The following MAPKBP1 variants were observed in gnomAD, a reference collection of about 807,000 sequenced individuals.
The protein encoded by MAPKBP1 is mitogen-activated protein kinase binding protein 1.
Under a neutral mutation model 170.5 loss-of-function variants are expected in MAPKBP1, and 71 were observed. That is an observed-to-expected ratio of 0.42 (90% CI 0.34 to 0.51). The LOEUF is 0.51. Ranked by LOEUF, MAPKBP1 falls within the 20% of genes least tolerant of loss-of-function variation. The pLI is 0.06. For missense variants in MAPKBP1, 1,598 were observed against 1,933.0 expected, an observed-to-expected ratio of 0.83 and a Z score of 3.25; for synonymous variants, 719 against 757.9, an observed-to-expected ratio of 0.95 and a Z score of 0.84.
At chr15:41,786,977 C>T (rs1439160712) in intron 2 of MAPKBP1, among the ~76,000 whole-genome samples, 3 of 150,642 alleles carry the variant, frequency 2.0e-5, no homozygotes, top group African/African-American at 7.4e-5. Context: ...CCGCTCAGTA[C>T]AACCTCTGCC....
intron 2 of MAPKBP1, among the ~76,000 whole-genome samples, chr15:41,776,092 T>A (rs2064093709): frequency 6.6e-6 from 1 of 152,244 alleles, no homozygotes; most frequent in Non-Finnish European, 1.5e-5. Context: ...GTTTTGGTCC[T>A]TATGCTTTTT....
chr15:41,813,708 A>G lies in MAPKBP1; in HGVS notation c.907A>G (p.Asn303Asp). 6.2e-7 allele frequency: 1 copy of G among 1,613,812 alleles called. No individual in the cohort carries two copies. The highest frequency in any genetic ancestry group is 8.5e-7 in the Non-Finnish European group (1 of 1,179,920). Residue 303 changes from asparagine to aspartate, a missense_variant, in exon 9 of 31, where the codon AAC (asparagine) becomes GAC (aspartate). Transcript: ENST00000457542. ...CACCGTGCGCCTTTTCAACCCCTCT[A>G]ACCTGCACTTCCTTAGCACCTTGCC... Reference protein sequence around the residue: ...DGTVRLFNPSNLHFLSTLPRP... With the variant: ...DGTVRLFNPSDLHFLSTLPRP...
chr15:41,775,085 CA>C, intron 1 of MAPKBP1, 81 bp from the exon 2 acceptor site: 1 of 595,322 alleles, frequency 1.7e-6, no homozygotes, highest in Non-Finnish European at 3.0e-6. Context: ...ATGGTGAGAG[CA>C]ATACCCAGAG....
chr15:41,786,826 T>C (rs1419274155), intron 2 of MAPKBP1, among the ~76,000 whole-genome samples: 5 of 134,122 alleles, frequency 3.7e-5, no homozygotes, highest in Admixed American at 3.1e-4. Flanking sequence ...CTTTTTTTGT[T>C]TTTTAAAGAA....
At chr15:41,790,762 T>G (rs936663701) in intron 2 of MAPKBP1, among the ~76,000 whole-genome samples, 2 of 152,222 alleles carry the variant, frequency 1.3e-5, no homozygotes, top group Admixed American at 6.5e-5. Flanking sequence ...AGGTCTGCTC[T>G]CTTCTTCAGC....
chr15:41,810,912 AAC>A lies in MAPKBP1; in HGVS notation c.240_241del (p.His80GlnfsTer21). 6.2e-7 allele frequency: 1 copy of A among 1,614,108 alleles called. No individual in the cohort carries two copies. The highest frequency in any genetic ancestry group is 8.5e-7 in the Non-Finnish European group (1 of 1,180,020). ...GTGGTTGTGTTGTTCAATCCCCGGAAACACAAACAGCACCACATCCTCAACAG... is the reference window on the plus strand; with the variant it reads ...GTGGTTGTGTTGTTCAATCCCCGGAAACAAACAGCACCACATCCTCAACAG... On this transcript the variant is annotated frameshift_variant, in exon 4 of 31. Coordinates refer to ENST00000457542, the MANE Select transcript of MAPKBP1 (RefSeq NM_014994.3). LOFTEE classifies it high-confidence loss of function.
intron 5 of MAPKBP1, 105 bp downstream of exon 5, chr15:41,811,340 A>C (rs1361286307): frequency 6.3e-6 from 8 of 1,270,422 alleles, no homozygotes; most frequent in South Asian, 2.4e-5. Flanking sequence ...TCTGAAACAG[A>C]CACCAAATCC....
intron 2 of MAPKBP1, among the ~76,000 whole-genome samples, chr15:41,792,819 A>C (rs11070349): frequency 0.48 from 73,469 of 151,874 alleles, 18,152 homozygotes; most frequent in Non-Finnish European, 0.53. Context: ...CTCTTTCCTA[A>C]CTCACTTTCT....
intron 3 of MAPKBP1, among the ~76,000 whole-genome samples, chr15:41,808,105 C>CTTTTTTTTTTTTTT (rs544983500): frequency 1.8e-5 from 2 of 109,460 alleles, no homozygotes; most frequent in African/African-American, 3.3e-5. Context: ...TTCTTTCTTT[C>CTTTTTTTTTTTTTT]TTTTTTTTTT....
At position 41,822,241 on chromosome 15, in the gene MAPKBP1, G is replaced by C; in HGVS notation, c.3048G>C (p.Glu1016Asp). 6.2e-7 allele frequency: 1 copy of C among 1,613,330 alleles called. No homozygotes were observed. Among genetic ancestry groups the C allele is most frequent in the Non-Finnish European group, 8.5e-7 (1 of 1,179,518 alleles). The part of the protein sequence containing the change: ...EHPTEDSEST[E>D]PLSVDGISSD... ...CACACCCAGACTCTGAGAGCACGGA[G>C]CCCCTCAGTGTGGATGGCATCTCCT... Residue 1016 changes from glutamate to aspartate, a missense_variant, in exon 26 of 31, where the codon GAG (glutamate) becomes GAC (aspartate). Transcript: ENST00000457542.
In MAPKBP1 at chr15:41,818,811, G is replaced by A. The variant is rs1286099489; in HGVS notation, c.2157-12G>A. The A allele has an allele frequency of 1.2e-6, 2 of 1,613,322 alleles. No individual in the cohort carries two copies. The highest frequency in any genetic ancestry group is 1.7e-6 in the Non-Finnish European group (2 of 1,179,296). ...TGCCCCTCCTTCAGCCAACTGTGTGGCTTTACCCCAGCTGCATATTTGTGT... is the reference window on the plus strand; with the variant it reads ...TGCCCCTCCTTCAGCCAACTGTGTGACTTTACCCCAGCTGCATATTTGTGT... On this transcript the variant is annotated splice_polypyrimidine_tract_variant and intron_variant, in intron 19 of 30. Transcript: ENST00000457542. This position sits in a 1 kb window ranked among gnomAD's most constrained non-coding sequence, Gnocchi z 5.2.
Position 41,819,361 on chromosome 15 carries a change from A to G in MAPKBP1, c.2407A>G (p.Ser803Gly). Residue 803 changes from serine to glycine, a missense_variant, in exon 21 of 31, where the codon AGT (serine) becomes GGT (glycine). Coordinates refer to ENST00000457542, the MANE Select transcript of MAPKBP1 (RefSeq NM_014994.3). ...ELPALPVLAK[S>G]TKKALASVPS... ...TCCAGCACTGCCCGTCCTTGCCAAG[A>G]GTACCAAGAAGGCACTGGGTCTGTG... The G allele has an allele frequency of 6.2e-7, 1 of 1,614,112 alleles. No individual in the cohort carries two copies. The highest frequency in any genetic ancestry group is 1.7e-4 in the Middle Eastern group (1 of 6,060).
At chr15:41,803,921 A>G (rs1002737976) in intron 3 of MAPKBP1, among the ~76,000 whole-genome samples, 1 of 151,370 alleles carries the variant, frequency 6.6e-6, no homozygotes, top group Non-Finnish European at 1.5e-5. Context: ...GCTCACCGCA[A>G]CCTCCGCCTC....
At chr15:41,776,735 A>C (rs1020341686) in intron 2 of MAPKBP1, among the ~76,000 whole-genome samples, 4 of 152,226 alleles carry the variant, frequency 2.6e-5, no homozygotes, top group African/African-American at 9.6e-5. Context: ...ATGTAGTAGA[A>C]ACATATAATG....
chr15:41,816,735 C>T lies in MAPKBP1; in HGVS notation c.1585+85C>T, dbSNP rs185338746. On this transcript the variant is annotated intron_variant, in intron 13 of 30. Transcript: ENST00000457542. ...CTGTCCCGGCTCTTGGACGTGGGGT[C>T]GGTAATCTTTGGATCATTGGTGTCT... The T allele has an allele frequency of 6.7e-4, 981 of 1,467,808 alleles. 2 individuals carry two copies. Among genetic ancestry groups the T allele is most frequent in the Admixed American group, 1.4e-3 (83 of 58,592 alleles). The allele number at this position is 1,467,808 out of a possible 1,614,324, so 90.9% of individuals were successfully genotyped here.
At chr15:41,795,163 CAAAA>C (rs57214059) in intron 2 of MAPKBP1, among the ~76,000 whole-genome samples, 33 of 113,198 alleles carry the variant, frequency 2.9e-4, no homozygotes, top group Non-Finnish European at 4.0e-4. Context: ...AACCCTGTCT[CAAAA>C]AAAAAAAAAA....
rs200270151 is a variant in MAPKBP1, at chr15:41,813,057, G to A, written c.775G>A (p.Glu259Lys). The change falls in exon 8 of 31, where the codon GAG becomes AAG. Residue 259 changes from glutamate (E) to lysine (K), a missense_variant. Physicochemically the swap from Glu to Lys is moderately conservative, Grantham distance 56. Coordinates refer to ENST00000457542, the MANE Select transcript of MAPKBP1 (RefSeq NM_014994.3). Reference protein sequence around the residue: ...FCITSSGLLCEFSDRRLLDKW... With the variant: ...FCITSSGLLCKFSDRRLLDKW... Reference sequence around the variant, plus strand: ...CATCACGTCCTCAGGGCTGCTGTGCGAGTTCAGTGATCGAAGGCTTTTGGA... The same window carrying A: ...CATCACGTCCTCAGGGCTGCTGTGCAAGTTCAGTGATCGAAGGCTTTTGGA... 54 of 1,612,648 alleles carry A rather than the reference G, an allele frequency of 3.3e-5. No homozygotes were observed. The South Asian group carries it at 3.6e-4, about 11-fold the overall frequency.
At position 41,804,881 on chromosome 15, in the gene MAPKBP1, G is replaced by A. The variant is rs527488495; in HGVS notation, c.206+4967G>A. On this transcript the variant is annotated intron_variant, in intron 3 of 30. Transcript: ENST00000457542. ...CTTTTCTGGGTGTTTGAGTTTTGCT[G>A]TGTTCTAGAACTCCCTGATGTGCTG... 4.3e-4 allele frequency among the ~76,000 whole-genome samples: 66 copies of A among 152,322 alleles called. 1 individual carries two copies. In the South Asian group the frequency reaches 0.013, roughly 31 times the overall value.
At position 41,815,739 on chromosome 15, in the gene MAPKBP1, C is replaced by T; in HGVS notation, c.1433C>T (p.Ser478Leu). 1.2e-6 allele frequency: 2 copies of T among 1,614,196 alleles called. No homozygotes were observed. Among genetic ancestry groups the T allele is most frequent in the South Asian group, 1.1e-5 (1 of 91,084 alleles). Residue 478 changes from serine to leucine, a missense_variant, in exon 12 of 31, where the codon TCG becomes TTG. By Grantham distance (145) the Ser-to-Leu change is moderately radical (BLOSUM62 -2). This residue lies in a region of MAPKBP1 where 430 missense variants were observed against 617.2 expected (regional missense o/e 0.70). Coordinates refer to ENST00000457542, the MANE Select transcript of MAPKBP1 (RefSeq NM_014994.3). ...SLLDPRVGIR[S>L]VCVSPNGQHL... ...TTGGATCCCCGCGTGGGCATCCGCT[C>T]GGTGTGTGTCAGCCCCAATGGACAG...
Sources: gnomAD v4.1 joint callset for allele counts (sites outside exome capture counted in the v4.1 genomes callset) on GRCh38, gnomAD v4.1.1 for gene constraint, gnomAD v4.1.1 regional missense constraint, Gnocchi (gnomAD v3.1) non-coding constraint, MANE v1.5 for transcripts, NCBI Gene and HGNC (gene_info 2026-07-23, HGNC 2026-07-21) for gene names.